SBF2: variants seen among roughly 807,000 people sequenced by gnomAD.
The protein encoded by SBF2 is SET binding factor 2.
A neutral mutation model predicts 225.2 loss-of-function variants in SBF2; 112 were observed. That is an observed-to-expected ratio of 0.50 (90% confidence interval 0.43 to 0.58). SBF2 has a LOEUF of 0.58. SBF2 is among the 20% of genes least tolerant of loss of function. The pLI, the probability that SBF2 is intolerant of heterozygous loss-of-function variation, is 0.00. For missense variants in SBF2, 1,996 were observed against 2,206.2 expected, an observed-to-expected ratio of 0.90 and a Z score of 1.91; for synonymous variants, 763 against 773.3, an observed-to-expected ratio of 0.99 and a Z score of 0.22.
chr11:10,078,993 C>T (rs553338431), intron 2 of SBF2, among the ~76,000 whole-genome samples: 3 of 152,184 alleles, frequency 2.0e-5, no homozygotes, highest in African/African-American at 7.2e-5. Context: ...ACCAAATGCA[C>T]CCATAAGCAA....
intron 2 of SBF2, among the ~76,000 whole-genome samples, chr11:10,132,383 C>CG (rs1954101869): frequency 6.6e-6 from 1 of 152,050 alleles, no homozygotes; most frequent in Non-Finnish European, 1.5e-5. Flanking sequence ...TGGACCCTCG[C>CG]GGTGAGTGTT....
intron 1 of SBF2, among the ~76,000 whole-genome samples, chr11:10,279,169 T>C (rs1963216259): frequency 6.7e-6 from 1 of 148,516 alleles, no homozygotes; most frequent in South Asian, 2.1e-4. Flanking sequence ...CTCAGCACTT[T>C]GGGAGGCTGA....
At chr11:10,288,501 T>A (rs1436939964) in intron 1 of SBF2, among the ~76,000 whole-genome samples, 1 of 151,912 alleles carries the variant, frequency 6.6e-6, no homozygotes, top group African/African-American at 2.4e-5. Context: ...CTGCAGCTGG[T>A]CATCCCAACA....
intron 2 of SBF2, among the ~76,000 whole-genome samples, chr11:10,144,502 T>C (rs187873978): frequency 6.6e-6 from 1 of 151,990 alleles, no homozygotes; most frequent in East Asian, 1.9e-4. Context: ...TAAAATAAAA[T>C]AAAATAAACA....
chr11:9,821,588 G>A (rs1223981268), intron 28 of SBF2, among the ~76,000 whole-genome samples: 1 of 152,108 alleles, frequency 6.6e-6, no homozygotes, highest in African/African-American at 2.4e-5. Context: ...AGATGTCCTG[G>A]GCACTTAACA....
chr11:10,188,136 T>A (rs1957012173), intron 2 of SBF2, among the ~76,000 whole-genome samples: 1 of 152,200 alleles, frequency 6.6e-6, no homozygotes, highest in Admixed American at 6.5e-5. Context: ...AAATGAAGAC[T>A]CACTGAAAAC....
At chr11:9,970,399 G>A (rs1227822133) in intron 13 of SBF2, among the ~76,000 whole-genome samples, 3 of 151,962 alleles carry the variant, frequency 2.0e-5, no homozygotes, top group African/African-American at 7.3e-5. Context: ...TAGAGACAGG[G>A]TTTCACTGTG....
intron 2 of SBF2, among the ~76,000 whole-genome samples, chr11:10,059,718 A>G (rs1276368593): frequency 6.6e-6 from 1 of 152,162 alleles, no homozygotes; most frequent in Non-Finnish European, 1.5e-5. Flanking sequence ...AAGTCAACAC[A>G]ATGAAAATTG....
intron 1 of SBF2, among the ~76,000 whole-genome samples, chr11:10,275,391 G>C (rs1289815981): frequency 1.3e-5 from 2 of 152,172 alleles, no homozygotes; most frequent in Non-Finnish European, 2.9e-5. Context: ...TTGATTCTCT[G>C]TTGGAGCATC....
At chr11:10,214,798 C>G (rs1459486343) in intron 1 of SBF2, among the ~76,000 whole-genome samples, 1 of 152,180 alleles carries the variant, frequency 6.6e-6, no homozygotes, top group Non-Finnish European at 1.5e-5. Flanking sequence ...CTTCTAGATT[C>G]CCTGAGGATC....
At chr11:10,082,460 C>T (rs1010545606) in intron 2 of SBF2, among the ~76,000 whole-genome samples, 11 of 152,236 alleles carry the variant, frequency 7.2e-5, no homozygotes, top group African/African-American at 2.2e-4. Flanking sequence ...CAATATCCCT[C>T]TTGAACACAG....
chr11:9,939,691 C>A (rs978518742), intron 16 of SBF2, among the ~76,000 whole-genome samples: 1 of 152,148 alleles, frequency 6.6e-6, no homozygotes, highest in Non-Finnish European at 1.5e-5. Flanking sequence ...TGAAAAACTG[C>A]TGGTGGAGAT....
chr11:10,132,353 T>G (rs1157537581), intron 2 of SBF2, among the ~76,000 whole-genome samples: 2 of 152,324 alleles, frequency 1.3e-5, no homozygotes, highest in East Asian at 3.9e-4. Flanking sequence ...TTGGTCTCAC[T>G]GACTTCAAGA....
At chr11:10,190,075 T>C (rs1422276493) in intron 2 of SBF2, among the ~76,000 whole-genome samples, 1 of 151,432 alleles carries the variant, frequency 6.6e-6, no homozygotes, top group Non-Finnish European at 1.5e-5. Flanking sequence ...TGCTTGAATC[T>C]GGGAGGCAGA....
intron 1 of SBF2, among the ~76,000 whole-genome samples, chr11:10,277,344 G>C (rs1192193642): frequency 6.6e-6 from 1 of 152,214 alleles, no homozygotes; most frequent in African/African-American, 2.4e-5. Context: ...GAAGTATTTA[G>C]AGTGGATGCT....
intron 2 of SBF2, among the ~76,000 whole-genome samples, chr11:10,191,182 G>A (rs1248356754): frequency 6.6e-6 from 1 of 152,036 alleles, no homozygotes. Context: ...CATCAGAAAA[G>A]GGTCACGACT....
chr11:10,196,866 A>ATATATATATTTTTTTTTTTTTTTT, intron 1 of SBF2, among the ~76,000 whole-genome samples: 1 of 99,316 alleles, frequency 1.0e-5, no homozygotes, highest in African/African-American at 4.0e-5. Flanking sequence ...ATATATATAT[A>ATATATATATTTTTTTTTTTTTTTT]TTTTTTTTTT....
chr11:10,257,114 T>C (rs1393931094), intron 1 of SBF2, among the ~76,000 whole-genome samples: 1 of 152,180 alleles, frequency 6.6e-6, no homozygotes, highest in East Asian at 1.9e-4. Context: ...GTTAAGTTCT[T>C]ATCCAAGATC....
chr11:9,965,159 T>C (rs1866819318), intron 14 of SBF2, among the ~76,000 whole-genome samples: 2 of 152,206 alleles, frequency 1.3e-5, no homozygotes, highest in African/African-American at 2.4e-5. Context: ...TTATATTTTA[T>C]GGCTACTCTT....
Sources: allele counts gnomAD v4.1 joint callset (sites outside exome capture counted in the v4.1 genomes callset), GRCh38; gene constraint gnomAD v4.1.1; transcripts MANE v1.5; gene names NCBI Gene and HGNC (gene_info 2026-07-23, HGNC 2026-07-21).